IMPACT: variants seen among roughly 807,000 people sequenced by gnomAD.
IMPACT encodes the protein protein IMPACT.
Under a neutral mutation model 47.5 loss-of-function variants are expected in IMPACT, and 35 were observed. The observed-to-expected ratio is 0.74, with a 90% confidence interval of 0.56 to 0.98. IMPACT has a LOEUF of 0.98. IMPACT is among the 50% of genes least tolerant of loss of function. The pLI, the probability that IMPACT is intolerant of heterozygous loss-of-function variation, is 0.00. For missense variants in IMPACT, 373 were observed against 394.8 expected, an observed-to-expected ratio of 0.94 and a Z score of 0.47; for synonymous variants, 118 against 125.6, an observed-to-expected ratio of 0.94 and a Z score of 0.40.
At position 24,451,057 on chromosome 18, in the gene IMPACT, G is replaced by T. The variant is rs116241691; in HGVS notation, c.*210G>T. On this transcript the variant is annotated 3_prime_UTR_variant, in exon 11 of 11. Transcript: ENST00000284202. ...TCATGTGTGTTTCAGGCTTATTTGG[G>T]AGAACTAATTTGAACTTAATCACCA... 718 of 379,280 alleles carry T rather than the reference G, an allele frequency of 1.9e-3. 3 individuals are homozygous for T. Among genetic ancestry groups the T allele is most frequent in the African/African-American group, 0.014 (652 of 48,152 alleles). The allele number at this position is 379,280 out of a possible 1,614,324, so 23.5% of individuals were successfully genotyped here. A position where few individuals can be genotyped will look rare whatever the true frequency, so the allele number is the denominator to read the frequency against.
chr18:24,437,389 A>T (rs1908976344), intron 4 of IMPACT, among the ~76,000 whole-genome samples: 1 of 152,236 alleles, frequency 6.6e-6, no homozygotes, highest in African/African-American at 2.4e-5. Context: ...ATTTGGAACC[A>T]AAATGAATCA....
At chr18:24,444,752 T>A (rs763453412) in intron 7 of IMPACT, among the ~76,000 whole-genome samples, 3 of 152,240 alleles carry the variant, frequency 2.0e-5, no homozygotes, top group Non-Finnish European at 4.4e-5. Context: ...CATTATTGCA[T>A]GGGATGTACT....
Position 24,451,138 on chromosome 18 carries a change from T to C in IMPACT, c.*291T>C, listed in dbSNP as rs536180137. On this transcript the variant is annotated 3_prime_UTR_variant, in exon 11 of 11. Transcript: ENST00000284202. ...CCCAGGGCAGTACCTGAATTAACTG[T>C]CCATTTCAGTACATGTCAAGTGCCT... is the stretch of plus-strand genomic sequence containing the variant. The C allele has an allele frequency of 6.5e-5, 15 of 231,672 alleles. No homozygotes were observed. Among genetic ancestry groups the C allele is most frequent in the Non-Finnish European group, 1.2e-4 (14 of 119,198 alleles). 14.4% of individuals were successfully genotyped at this position (231,672 alleles called of 1,614,324 possible). A position where few individuals can be genotyped will look rare whatever the true frequency, so the allele number is the denominator to read the frequency against.
intron 4 of IMPACT, among the ~76,000 whole-genome samples, chr18:24,435,150 T>G (rs182054499): frequency 3.9e-5 from 6 of 152,070 alleles, no homozygotes; most frequent in Non-Finnish European, 8.8e-5. Flanking sequence ...TGTATTTTTT[T>G]GTAAAGAAGG....
chr18:24,442,978 C>A lies in IMPACT; in HGVS notation c.491-71C>A. On this transcript the variant is annotated intron_variant, in intron 6 of 10. Transcript: ENST00000284202. ...AATTTACATTTCTTTCCCAGCTGCC[C>A]CCCCATTTCATTTTTTTCAGTATTT... is the stretch of plus-strand genomic sequence containing the variant. The A allele has an allele frequency of 5.8e-6, 4 of 694,900 alleles. No homozygotes were observed. The South Asian group carries it at 7.7e-5, about 13-fold the overall frequency. The allele number at this position is 694,900 out of a possible 1,614,324, so 43.0% of individuals were successfully genotyped here.
At chr18:24,436,419 T>A (rs59360893) in intron 4 of IMPACT, among the ~76,000 whole-genome samples, 3,917 of 152,044 alleles carry the variant, frequency 0.026, 172 homozygotes, top group African/African-American at 0.09. Flanking sequence ...CTAAGTTTTT[T>A]AATTTCTTAC....
chr18:24,450,647 A>G (rs1189016655), intron 10 of IMPACT, 132 bp from the exon 11 acceptor site: 7 of 574,254 alleles, frequency 1.2e-5, no homozygotes, highest in Non-Finnish European at 2.2e-5. Context: ...TCACTGTAAC[A>G]TATATACATA....
chr18:24,434,763 C>CCAA (rs1908859877), intron 4 of IMPACT, among the ~76,000 whole-genome samples: 1 of 45,150 alleles, frequency 2.2e-5, no homozygotes, highest in Admixed American at 2.0e-4. Context: ...AACTCTGTCT[C>CCAA]AAAAAAAAAA....
chr18:24,442,845 A>G (rs1434683887), intron 6 of IMPACT, among the ~76,000 whole-genome samples: 1 of 152,208 alleles, frequency 6.6e-6, no homozygotes, highest in African/African-American at 2.4e-5. Flanking sequence ...TAAATCAAGT[A>G]TTTTAATCTT....
intron 1 of IMPACT, 146 bp from the exon 2 acceptor site, chr18:24,427,773 C>G (rs1417909588): frequency 5.8e-6 from 4 of 690,480 alleles, no homozygotes; most frequent in African/African-American, 1.9e-5. Context: ...GTGACCTGCT[C>G]TTAAGAAACT....
chr18:24,448,320 G>A (rs927525950), intron 9 of IMPACT, 137 bp downstream of exon 9: 20 of 496,616 alleles, frequency 4.0e-5, no homozygotes, highest in Non-Finnish European at 3.6e-6. Flanking sequence ...AGTAGTTGAT[G>A]TTAAAATATT....
At chr18:24,446,080 G>A (rs1407223882) in intron 8 of IMPACT, among the ~76,000 whole-genome samples, 5 of 152,062 alleles carry the variant, frequency 3.3e-5, no homozygotes, top group Non-Finnish European at 7.4e-5. Context: ...CAAAGGTTTT[G>A]TTTTATTTTG....
Position 24,443,132 on chromosome 18 carries a change from C to T in IMPACT, c.574C>T (p.Pro192Ser). 1 of 1,599,002 alleles carries T rather than the reference C, an allele frequency of 6.3e-7. No individual in the cohort carries two copies. Among genetic ancestry groups the T allele is most frequent in the Non-Finnish European group, 8.6e-7 (1 of 1,168,212 alleles). Residue 192 changes from proline (P) to serine (S), a missense_variant, in exon 7 of 11, where the codon CCA (proline) becomes TCA (serine). Physicochemically the swap from Pro to Ser is moderately conservative, Grantham distance 74. Transcript: ENST00000284202. ...AAGTACTTTTCAGGCACACTTGGCT[C>T]CAGTGGTTTGTCCCAAACAGGTAAA... ...RRSTFQAHLA[P>S]VVCPKQVKMV...
intron 4 of IMPACT, among the ~76,000 whole-genome samples, chr18:24,437,598 G>A (rs1941813): frequency 0.8 from 121,343 of 152,138 alleles, 48,872 homozygotes; most frequent in African/African-American, 0.88. Flanking sequence ...AAAGCAAGCA[G>A]TGATCAGACA....
chr18:24,448,184 G>A lies in IMPACT; in HGVS notation c.759+1G>A. The A allele has an allele frequency of 1.2e-6, 2 of 1,603,632 alleles. No homozygotes were observed. The highest frequency in any genetic ancestry group is 8.5e-7 in the Non-Finnish European group (1 of 1,170,606). Reference sequence around the variant, plus strand: ...TGGGCGTCTTCTTCATCTCATGGAGGTAGGTGTAAGTTAAACTATCAATCC... The same window carrying A: ...TGGGCGTCTTCTTCATCTCATGGAGATAGGTGTAAGTTAAACTATCAATCC... On this transcript the variant is annotated splice_donor_variant, in intron 9 of 10. Transcript: ENST00000284202. LOFTEE classifies it high-confidence loss of function.
chr18:24,450,875 TG>T lies in IMPACT; in HGVS notation c.*29del. The T allele has an allele frequency of 7.6e-7, 1 of 1,323,806 alleles. No individual in the cohort carries two copies. Among genetic ancestry groups the T allele is most frequent in the Non-Finnish European group, 1.1e-6 (1 of 920,600 alleles). 82.0% of individuals were successfully genotyped at this position (1,323,806 alleles called of 1,614,324 possible). A position where few individuals can be genotyped will look rare whatever the true frequency, so the allele number is the denominator to read the frequency against. On this transcript the variant is annotated 3_prime_UTR_variant, in exon 11 of 11. Transcript: ENST00000284202. ...CCTGAAACTATAGGAAAGGTTAATT[TG>T]CCTATAATTATATATACATTCCATA... is the stretch of plus-strand genomic sequence containing the variant.
chr18:24,430,112 T>G (rs1908715025), intron 3 of IMPACT, among the ~76,000 whole-genome samples: 1 of 152,150 alleles, frequency 6.6e-6, no homozygotes, highest in Non-Finnish European at 1.5e-5. Context: ...AATTTTGGTG[T>G]GGGTTTTGTT....
At chr18:24,436,149 G>A (rs1908933883) in intron 4 of IMPACT, among the ~76,000 whole-genome samples, 1 of 152,172 alleles carries the variant, frequency 6.6e-6, no homozygotes, top group Admixed American at 6.5e-5. Context: ...TTTTTAAATA[G>A]TGTCATCTCT....
chr18:24,442,525 T>C (rs1484402493), intron 6 of IMPACT, among the ~76,000 whole-genome samples: 1 of 152,212 alleles, frequency 6.6e-6, no homozygotes, highest in Non-Finnish European at 1.5e-5. Flanking sequence ...ACCAATTGGA[T>C]GTATTATTGA....
Sources: gnomAD v4.1 joint callset for allele counts (sites outside exome capture counted in the v4.1 genomes callset) on GRCh38, gnomAD v4.1.1 for gene constraint, MANE v1.5 for transcripts, NCBI Gene and HGNC (gene_info 2026-07-23, HGNC 2026-07-21) for gene names.